EYS: variants seen among roughly 807,000 people sequenced by gnomAD.
EYS encodes the protein EGF-like photoreceptor maintenance factor.
In EYS, 250 loss-of-function variants were observed where a neutral mutation model predicts 282.1. The ratio of observed to expected loss-of-function variants is 0.89; its 90% CI spans 0.80 to 0.98. The LOEUF is 0.98. Among genes scored for constraint, EYS ranks in the 50% least tolerant of loss-of-function variants. EYS has a pLI of 0.00. For synonymous variants in EYS, 1,355 were observed against 1,282.9 expected (o/e 1.06, Z -1.20); for missense variants, 4,016 against 3,709.0 (o/e 1.08, Z -2.15).
rs190701464 is a variant in EYS at position 64,461,491 on chromosome 6, G to A, written c.5645-22139C>T. On this transcript the variant is annotated intron_variant, in intron 26 of 42. Coordinates refer to ENST00000503581, the MANE Select transcript of EYS (RefSeq NM_001142800.2). ...GGTTTAGGAGAAATGACTAGCAGGG[G>A]TTTATATATGGTAACAGTCTGGTGG... 1.5e-3 allele frequency among the ~76,000 whole-genome samples: 226 copies of A among 152,286 alleles called. 1 individual carries two copies. Among genetic ancestry groups the A allele is most frequent in the Non-Finnish European group, 2.8e-3 (190 of 68,020 alleles).
At chr6:65,417,911 T>C (rs1407167912) in intron 5 of EYS, among the ~76,000 whole-genome samples, 2 of 151,876 alleles carry the variant, frequency 1.3e-5, no homozygotes, top group South Asian at 2.1e-4. Context: ...AAATCATGCA[T>C]AGAATACCAA....
At chr6:64,239,122 A>C (rs1045644757) in intron 30 of EYS, among the ~76,000 whole-genome samples, 3 of 152,050 alleles carry the variant, frequency 2.0e-5, no homozygotes. Context: ...ATTTTTGTAC[A>C]TGTGCCACAT....
chr6:64,136,141 T>TAA (rs79149461), intron 31 of EYS, among the ~76,000 whole-genome samples: 82 of 131,312 alleles, frequency 6.2e-4, no homozygotes, highest in Admixed American at 2.7e-3. Flanking sequence ...AGATTCTTTC[T>TAA]AAAAAAAAAA....
intron 12 of EYS, among the ~76,000 whole-genome samples, chr6:65,074,721 C>T (rs754537658): frequency 2.0e-5 from 3 of 151,750 alleles, no homozygotes; most frequent in Non-Finnish European, 4.4e-5. Flanking sequence ...CTTTGTGGGG[C>T]CAAGTAACAT....
chr6:64,378,212 T>C (rs1325499785), intron 29 of EYS, among the ~76,000 whole-genome samples: 1 of 152,144 alleles, frequency 6.6e-6, no homozygotes, highest in East Asian at 1.9e-4. Context: ...CATGGAAGTA[T>C]GAAAATAATT....
At chr6:64,431,711 C>G (rs775227096) in intron 28 of EYS, among the ~76,000 whole-genome samples, 1 of 152,124 alleles carries the variant, frequency 6.6e-6, no homozygotes, top group East Asian at 1.9e-4. Flanking sequence ...ATGACCTATA[C>G]AACCTGACTA....
chr6:64,948,993 A>T (rs1033665822), intron 14 of EYS, among the ~76,000 whole-genome samples: 1 of 151,954 alleles, frequency 6.6e-6, no homozygotes, highest in African/African-American at 2.4e-5. Flanking sequence ...ACTTTTTCAG[A>T]TCAACAGCCA....
At chr6:64,715,651 T>C (rs1193046301) in intron 22 of EYS, among the ~76,000 whole-genome samples, 1 of 152,168 alleles carries the variant, frequency 6.6e-6, no homozygotes, top group Non-Finnish European at 1.5e-5. Context: ...GGTGATGATG[T>C]ACCAACTGGG....
chr6:65,475,740 G>A (rs1011407442), intron 5 of EYS, among the ~76,000 whole-genome samples: 8 of 133,036 alleles, frequency 6.0e-5, no homozygotes, highest in Non-Finnish European at 1.1e-4. Flanking sequence ...CCCCCTGACA[G>A]ACAGACAGAC....
intron 31 of EYS, among the ~76,000 whole-genome samples, chr6:64,143,391 G>A (rs542149953): frequency 6.9e-6 from 1 of 145,260 alleles, no homozygotes; most frequent in African/African-American, 2.5e-5. Context: ...AAGTATCACT[G>A]TAGTATGAGG....
intron 14 of EYS, among the ~76,000 whole-genome samples, chr6:64,993,489 AC>A (rs1430808428): frequency 6.8e-6 from 1 of 147,608 alleles, no homozygotes; most frequent in Non-Finnish European, 1.5e-5. Context: ...AAAAAATCAA[AC>A]CTGCATGTTC....
At chr6:64,834,251 A>T (rs2150030142) in intron 19 of EYS, among the ~76,000 whole-genome samples, 1 of 151,914 alleles carries the variant, frequency 6.6e-6, no homozygotes, top group South Asian at 2.1e-4. Context: ...AATTTAAAAA[A>T]AGCTCATGAT....
At chr6:65,233,035 A>G (rs898969617) in intron 12 of EYS, among the ~76,000 whole-genome samples, 3 of 152,016 alleles carry the variant, frequency 2.0e-5, no homozygotes, top group African/African-American at 7.2e-5. Flanking sequence ...TTATATCTGT[A>G]TCTTATTGAT....
intron 31 of EYS, among the ~76,000 whole-genome samples, chr6:64,118,922 A>G (rs1442196353): frequency 6.6e-6 from 1 of 152,166 alleles, no homozygotes; most frequent in Non-Finnish European, 1.5e-5. Flanking sequence ...AAGACATAGG[A>G]ATAGCCAACA....
intron 29 of EYS, among the ~76,000 whole-genome samples, chr6:64,378,947 A>G (rs1190053577): frequency 6.6e-6 from 1 of 152,166 alleles, no homozygotes; most frequent in African/African-American, 2.4e-5. Context: ...TTGTCATATC[A>G]TGCCCTGTAA....
intron 9 of EYS, among the ~76,000 whole-genome samples, chr6:65,351,688 A>G (rs554592086): frequency 1.3e-5 from 2 of 151,972 alleles, no homozygotes; most frequent in South Asian, 4.1e-4. Flanking sequence ...ATGAAGTGCA[A>G]AAACGATGCA....
chr6:64,712,316 TA>T (rs1356224792), intron 22 of EYS, among the ~76,000 whole-genome samples: 1 of 152,208 alleles, frequency 6.6e-6, no homozygotes, highest in Non-Finnish European at 1.5e-5. Context: ...GTATACTTCA[TA>T]AAGTGTCTTA....
chr6:64,896,771 G>A (rs1767485341), intron 18 of EYS, among the ~76,000 whole-genome samples: 1 of 152,126 alleles, frequency 6.6e-6, no homozygotes, highest in East Asian at 1.9e-4. Flanking sequence ...TGAGGGAGGG[G>A]CGTCTGCCAT....
At chr6:65,279,216 A>ACAAATAG (rs1288058460) in intron 12 of EYS, among the ~76,000 whole-genome samples, 6 of 151,842 alleles carry the variant, frequency 4.0e-5, no homozygotes, top group Non-Finnish European at 5.9e-5. Context: ...ATAACAAATA[A>ACAAATAG]CAAATATGGT....
Sources: allele counts gnomAD v4.1 joint callset (sites outside exome capture counted in the v4.1 genomes callset), GRCh38; gene constraint gnomAD v4.1.1; transcripts MANE v1.5; gene names NCBI Gene and HGNC (gene_info 2026-07-23, HGNC 2026-07-21).